MTFR1L: variants seen among roughly 807,000 people sequenced by gnomAD.
MTFR1L encodes mitochondrial fission regulator 1-like.
MTFR1L carries 10 observed loss-of-function variants against 27.9 expected under a neutral mutation model. The observed-to-expected ratio is 0.36, with a 90% confidence interval of 0.22 to 0.61. The LOEUF (loss-of-function observed/expected upper bound fraction) is 0.61, where lower values mean the gene tolerates loss of function less well. MTFR1L is among the 20% of genes least tolerant of loss of function. The pLI, the probability that MTFR1L is intolerant of heterozygous loss-of-function variation, is 0.73. For synonymous variants in MTFR1L, 151 were observed against 139.4 expected (o/e 1.08, Z -0.58); for missense variants, 315 against 363.7 (o/e 0.87, Z 1.09).
Position 25,832,100 on chromosome 1 carries a change from T to G in MTFR1L, c.*74T>G, listed in dbSNP as rs1347330974. 6.2e-7 allele frequency: 1 copy of G among 1,610,218 alleles called. No homozygotes were observed. The highest frequency in any genetic ancestry group is 1.3e-5 in the African/African-American group (1 of 74,902). On this transcript the variant is annotated 3_prime_UTR_variant, in exon 7 of 7. Coordinates refer to ENST00000374303, the MANE Select transcript of MTFR1L (RefSeq NM_001099625.2). ...ATAGCTGCCTTCCTCACCGCAGATG[T>G]TTCTGCCTCTTAAGGATAGATCTTC...
At position 25,829,587 on chromosome 1, in the gene MTFR1L, C is replaced by T. The variant is rs376003786; in HGVS notation, c.530C>T (p.Ser177Leu). 11 of 1,614,106 alleles carry T rather than the reference C, an allele frequency of 6.8e-6. No individual in the cohort carries two copies. The highest frequency in any genetic ancestry group is 6.7e-5 in the African/African-American group (5 of 74,920). Reference sequence around the variant, plus strand: ...TCTCCCTTACCTTGTTTTGGATCCTCATTCCACTCTACAACTTCCTTTGTC... The same window carrying T: ...TCTCCCTTACCTTGTTTTGGATCCTTATTCCACTCTACAACTTCCTTTGTC... ...VSSPLPCFGS[S>L]FHSTTSFVIS... Residue 177 changes from serine (S) to leucine (L), a missense_variant, in exon 6 of 7, where the codon TCA becomes TTA. Ser to Leu is a moderately radical substitution (Grantham distance 145, BLOSUM62 -2). Coordinates refer to ENST00000374303, the MANE Select transcript of MTFR1L (RefSeq NM_001099625.2).
At chr1:25,829,340 A>C (rs2048206883) in intron 5 of MTFR1L, among the ~76,000 whole-genome samples, 169 bp from the exon 6 acceptor site, 1 of 152,164 alleles carries the variant, frequency 6.6e-6, no homozygotes, top group African/African-American at 2.4e-5. Context: ...CCGAGTGAGA[A>C]GCATAGTGGA....
intron 2 of MTFR1L, 138 bp from the exon 3 acceptor site, chr1:25,823,506 A>C (rs927976351): frequency 5.8e-6 from 8 of 1,368,580 alleles, no homozygotes; most frequent in Admixed American, 4.0e-5. Context: ...ACTATAATTG[A>C]GAGTTGACTT....
Position 25,823,729 on chromosome 1 carries a change from G to GT in MTFR1L, c.111dup (p.Ala38CysfsTer6). 6.2e-7 allele frequency: 1 copy of GT among 1,614,044 alleles called. No homozygotes were observed. The highest frequency in any genetic ancestry group is 8.5e-7 in the Non-Finnish European group (1 of 1,179,986). On this transcript the variant is annotated frameshift_variant, in exon 3 of 7. Transcript: ENST00000374303. LOFTEE classifies it high-confidence loss of function. ...GGGACCAACCTACCCTTGAAGCCGTGTGCCCGGGCGTCCTTTGAGGTGAGT... is the reference window on the plus strand; with the variant it reads ...GGGACCAACCTACCCTTGAAGCCGTGTTGCCCGGGCGTCCTTTGAGGTGAGT...
chr1:25,824,845 C>A (rs1392633036), intron 3 of MTFR1L, among the ~76,000 whole-genome samples: 1 of 152,062 alleles, frequency 6.6e-6, no homozygotes, highest in Non-Finnish European at 1.5e-5. Flanking sequence ...TGGCTATACC[C>A]TCTTCAGTTC....
intron 1 of MTFR1L, chr1:25,820,515 T>G: frequency 2.8e-6 from 1 of 356,194 alleles, no homozygotes; most frequent in East Asian, 1.0e-4. Flanking sequence ...GCGGCAAAGT[T>G]TCACTGAGCG....
intron 3 of MTFR1L, among the ~76,000 whole-genome samples, chr1:25,823,974 T>C (rs2048134785): frequency 1.3e-5 from 2 of 152,218 alleles, no homozygotes; most frequent in South Asian, 4.1e-4. Context: ...ACACTGACTA[T>C]TGTGATTTTT....
At position 25,823,081 on chromosome 1, in the gene MTFR1L, C is replaced by T; in HGVS notation, c.-24C>T. ...GGAGCTGCCCAGTGGCTGCCTTGTC[C>T]TTCAAGTGCAGGAGCTGGTTCAAAT... On this transcript the variant is annotated 5_prime_UTR_variant, in exon 2 of 7. Transcript: ENST00000374303. 2.5e-6 allele frequency: 4 copies of T among 1,614,196 alleles called. No homozygotes were observed. The highest frequency in any genetic ancestry group is 3.4e-6 in the Non-Finnish European group (4 of 1,180,026).
intron 2 of MTFR1L, 105 bp downstream of exon 2, chr1:25,823,233 T>C: frequency 2.6e-6 from 3 of 1,170,328 alleles, no homozygotes; most frequent in South Asian, 2.4e-5. Flanking sequence ...CACTCCTTTC[T>C]CCAGAGGCCT....
Position 25,819,997 on chromosome 1 carries a change from T to G in MTFR1L, c.-119T>G. On this transcript the variant is annotated 5_prime_UTR_variant, in exon 1 of 7. Coordinates refer to ENST00000374303, the MANE Select transcript of MTFR1L (RefSeq NM_001099625.2). ...CGGCCCAAGGTGGAAGGAGGGGCCG[T>G]GAGGTGAGAGAGTCCGGGAGCCCGA... is the stretch of plus-strand genomic sequence containing the variant. 2.9e-6 allele frequency: 1 copy of G among 339,636 alleles called. No homozygotes were observed. Among genetic ancestry groups the G allele is most frequent in the Non-Finnish European group, 5.7e-6 (1 of 176,234 alleles). 21.0% of individuals were successfully genotyped at this position (339,636 alleles called of 1,614,324 possible). A position where few individuals can be genotyped will look rare whatever the true frequency, so the allele number is the denominator to read the frequency against.
chr1:25,820,402 G>A (rs1557439252), intron 1 of MTFR1L: 2 of 452,100 alleles, frequency 4.4e-6, no homozygotes, highest in Admixed American at 4.7e-5. Context: ...GCACTTGGCC[G>A]ACCTTGGCCC....
intron 5 of MTFR1L, among the ~76,000 whole-genome samples, chr1:25,828,201 T>C (rs1229089382): frequency 6.6e-6 from 1 of 152,046 alleles, no homozygotes; most frequent in Non-Finnish European, 1.5e-5. Flanking sequence ...AAGTGGGGAG[T>C]TTCATGACAT....
chr1:25,826,731 A>G lies in MTFR1L; in HGVS notation c.356A>G (p.Lys119Arg). The G allele has an allele frequency of 6.2e-7, 1 of 1,614,186 alleles. No individual in the cohort carries two copies. Among genetic ancestry groups the G allele is most frequent in the Non-Finnish European group, 8.5e-7 (1 of 1,180,034 alleles). The change falls in exon 5 of 7, where the codon AAG (lysine) becomes AGG (arginine). Residue 119 changes from lysine (K) to arginine (R), a missense_variant. Transcript: ENST00000374303. This position sits in a 1 kb window ranked among gnomAD's most constrained non-coding sequence, Gnocchi z 4.1. ...GSEERLLALK[K>R]PALPALSRTT... Reference sequence around the variant, plus strand: ...GAGGAGAGGCTTCTGGCCCTGAAGAAGCCAGCTCTGCCAGCCCTAAGCCGC... The same window carrying G: ...GAGGAGAGGCTTCTGGCCCTGAAGAGGCCAGCTCTGCCAGCCCTAAGCCGC...
At chr1:25,820,625 C>A (rs775453215) in intron 1 of MTFR1L, 3 of 411,680 alleles carry the variant, frequency 7.3e-6, no homozygotes, top group Non-Finnish European at 1.4e-5. Flanking sequence ...CAGCAGACAG[C>A]AACTGCAGCC....
Position 25,829,617 on chromosome 1 carries a change from G to A in MTFR1L, c.560G>A (p.Ser187Asn). ...CACTCTACAACTTCCTTTGTCATTA[G>A]TGACATCACCGAGGAGACAGAGGTG... ...SFHSTTSFVISDITEETEVEV... is the reference protein window; with the variant it reads ...SFHSTTSFVINDITEETEVEV... The change falls in exon 6 of 7, where the codon AGT (serine) becomes AAT (asparagine). Residue 187 changes from serine to asparagine, a missense_variant. Transcript: ENST00000374303. 1 of 1,614,118 alleles carries A rather than the reference G, an allele frequency of 6.2e-7. No homozygotes were observed. Among genetic ancestry groups the A allele is most frequent in the Non-Finnish European group, 8.5e-7 (1 of 1,180,028 alleles).
At position 25,832,666 on chromosome 1, in the gene MTFR1L, C is replaced by A; in HGVS notation, c.*640C>A. On this transcript the variant is annotated 3_prime_UTR_variant, in exon 7 of 7. Transcript: ENST00000374303. ...TATATTACTGAACAACCAAATCTACCCTCCACGGCCCTGAGGCCTTATCAG... is the reference window on the plus strand; with the variant it reads ...TATATTACTGAACAACCAAATCTACACTCCACGGCCCTGAGGCCTTATCAG... 6.2e-6 allele frequency: 1 copy of A among 161,226 alleles called. No individual in the cohort carries two copies. Among genetic ancestry groups the A allele is most frequent in the Admixed American group, 5.7e-5 (1 of 17,394 alleles). 10.0% of individuals were successfully genotyped at this position (161,226 alleles called of 1,614,324 possible). A position where few individuals can be genotyped will look rare whatever the true frequency, so the allele number is the denominator to read the frequency against.
rs201253378 is a variant in MTFR1L at position 25,826,759 on chromosome 1, T to A, written c.384T>A (p.Thr128=). ...KKPALPALSR[T]TELQDELSHL... ...CAGCTCTGCCAGCCCTAAGCCGCAC[T>A]ACTGAGCTGCAGGACGAGCTGAGCC... Residue 128 remains threonine, a synonymous_variant, in exon 5 of 7, where the codon ACT becomes ACA. Coordinates refer to ENST00000374303, the MANE Select transcript of MTFR1L (RefSeq NM_001099625.2). The surrounding 1 kb of genome is among the most constrained non-coding windows in gnomAD (Gnocchi z 4.1). 2 of 1,614,134 alleles carry A rather than the reference T, an allele frequency of 1.2e-6. No individual in the cohort carries two copies.
Position 25,829,725 on chromosome 1 carries a change from G to C in MTFR1L, c.668G>C (p.Ser223Thr). 1 of 1,613,980 alleles carries C rather than the reference G, an allele frequency of 6.2e-7. No homozygotes were observed. The highest frequency in any genetic ancestry group is 8.5e-7 in the Non-Finnish European group (1 of 1,180,040). ...AAACCAGAACACAAAGCTGCCTGCA[G>C]TTCGTCTGAAGAGGATGACTGCGTC... ...CCKPEHKAAC[S>T]SSEEDDCVSL... The change falls in exon 6 of 7, where the codon AGT becomes ACT. Residue 223 changes from serine to threonine, a missense_variant. By Grantham distance (58) the Ser-to-Thr change is moderately conservative. Coordinates refer to ENST00000374303, the MANE Select transcript of MTFR1L (RefSeq NM_001099625.2).
In MTFR1L at chr1:25,823,761, G is replaced by A. The variant is rs756212341; in HGVS notation, c.129+13G>A. On this transcript the variant is annotated intron_variant, in intron 3 of 6. Coordinates refer to ENST00000374303, the MANE Select transcript of MTFR1L (RefSeq NM_001099625.2). ...GGCGTCCTTTGAGGTGAGTATGTTG[G>A]AAGGGCAGGAGAGTAGAGGCTCAGA... is the stretch of plus-strand genomic sequence containing the variant. 1 of 1,613,136 alleles carries A rather than the reference G, an allele frequency of 6.2e-7. No individual in the cohort carries two copies. The highest frequency in any genetic ancestry group is 8.5e-7 in the Non-Finnish European group (1 of 1,179,582).
Sources: gnomAD v4.1 joint callset for allele counts (sites outside exome capture counted in the v4.1 genomes callset) on GRCh38, gnomAD v4.1.1 for gene constraint, Gnocchi (gnomAD v3.1) non-coding constraint, MANE v1.5 for transcripts, NCBI Gene and HGNC (gene_info 2026-07-23, HGNC 2026-07-21) for gene names.